Variants in GALNT14 observed in about 807,000 individuals in gnomAD.
GALNT14 encodes UDP-GalNAc:polypeptide N-acetylgalactosaminyltransferase 14.
In GALNT14, 60 loss-of-function variants were observed where a neutral mutation model predicts 77.5. That is an observed-to-expected ratio of 0.77 (90% CI 0.63 to 0.96). The LOEUF (loss-of-function observed/expected upper bound fraction) is 0.96, where lower values mean the gene tolerates loss of function less well. GALNT14 is among the 40% of genes least tolerant of loss of function. GALNT14 has a pLI of 0.00. For missense variants in GALNT14, 710 were observed against 731.0 expected (o/e 0.97, Z 0.33); for synonymous variants, 280 against 281.7 (o/e 0.99, Z 0.06).
At chr2:30,960,005 G>A (rs1378927075) in intron 3 of GALNT14, among the ~76,000 whole-genome samples, 1 of 152,192 alleles carries the variant, frequency 6.6e-6, no homozygotes, top group African/African-American at 2.4e-5. Context: ...CTTCTATGCA[G>A]GATGCAGACT....
intron 1 of GALNT14, among the ~76,000 whole-genome samples, chr2:31,104,222 T>C (rs1677434922): frequency 6.6e-6 from 1 of 152,204 alleles, no homozygotes; most frequent in Non-Finnish European, 1.5e-5. Flanking sequence ...TTATTAATTT[T>C]GAAGTCATTT....
At chr2:30,908,790 G>A (rs372898727), downstream of GALNT14, among the ~76,000 whole-genome samples, 35 of 142,510 alleles carry the variant, frequency 2.5e-4, no homozygotes, top group East Asian at 1.4e-3. Flanking sequence ...GAGGCATCAC[G>A]CTACCTGACT....
At chr2:31,075,907 A>C (rs984815147) in intron 1 of GALNT14, among the ~76,000 whole-genome samples, 2 of 152,244 alleles carry the variant, frequency 1.3e-5, no homozygotes, top group African/African-American at 4.8e-5. Context: ...CAACTCCGAC[A>C]GTCCCAAGTC....
chr2:31,089,075 G>A (rs909051418), intron 1 of GALNT14, among the ~76,000 whole-genome samples: 1 of 152,184 alleles, frequency 6.6e-6, no homozygotes, highest in Non-Finnish European at 1.5e-5. Flanking sequence ...GTGTCTTGTT[G>A]CCTGCTGTTT....
intron 1 of GALNT14, among the ~76,000 whole-genome samples, chr2:31,101,345 C>G (rs1220820461): frequency 6.6e-6 from 1 of 151,982 alleles, no homozygotes; most frequent in Non-Finnish European, 1.5e-5. Context: ...TGGGATTAGT[C>G]TTTGGATTTC....
At chr2:30,976,087 C>G (rs1346872391) in intron 2 of GALNT14, among the ~76,000 whole-genome samples, 2 of 152,154 alleles carry the variant, frequency 1.3e-5, no homozygotes, top group African/African-American at 2.4e-5. Context: ...TTATGACAAG[C>G]CTTTGACTAC....
At position 30,932,135 on chromosome 2, in the gene GALNT14, C is replaced by G; in HGVS notation, c.991G>C (p.Val331Leu). 6.4e-7 allele frequency: 1 copy of G among 1,573,150 alleles called. No individual in the cohort carries two copies. The highest frequency in any genetic ancestry group is 8.6e-7 in the Non-Finnish European group (1 of 1,159,226). ...TGCTTCTTCCGGAAGACGTGCCCCA[C>G]TCGGCTGCAGGGGACGATCTCTAGG... Reference protein sequence around the residue: ...GSLEIVPCSRVGHVFRKKHPY... With the variant: ...GSLEIVPCSRLGHVFRKKHPY... The change falls in exon 10 of 15, where the codon GTG (valine) becomes CTG (leucine). Residue 331 changes from valine to leucine, a missense_variant. Transcript: ENST00000349752.
At chr2:30,972,264 C>T (rs1668403522) in intron 2 of GALNT14, among the ~76,000 whole-genome samples, 1 of 152,200 alleles carries the variant, frequency 6.6e-6, no homozygotes, top group Admixed American at 6.5e-5. Context: ...TGGGCTCTGG[C>T]ATCCCAGACG....
At chr2:30,941,141 G>T (rs538093612) in intron 9 of GALNT14, among the ~76,000 whole-genome samples, 2 of 152,228 alleles carry the variant, frequency 1.3e-5, no homozygotes, top group Non-Finnish European at 2.9e-5. Flanking sequence ...CTCTTGGCCT[G>T]AGCCCCTGCT....
Position 31,129,498 on chromosome 2 carries a change from C to T in GALNT14, c.129+8460G>A, listed in dbSNP as rs946377202. Reference sequence around the variant, plus strand: ...AATTCAGCACCCAGCTGGCAGCCATCAATTGGCCATCTATTAATAGCCAAT... The same window carrying T: ...AATTCAGCACCCAGCTGGCAGCCATTAATTGGCCATCTATTAATAGCCAAT... On this transcript the variant is annotated intron_variant, in intron 1 of 14. Transcript: ENST00000349752. 2.6e-5 allele frequency: 26 copies of T among 985,322 alleles called. No homozygotes were observed. In the African/African-American group the frequency reaches 4.2e-4, roughly 16 times the overall value. The allele number at this position is 985,322 out of a possible 1,614,324, so 61.0% of individuals were successfully genotyped here. A position where few individuals can be genotyped will look rare whatever the true frequency, so the allele number is the denominator to read the frequency against.
chr2:30,909,631 C>G (rs1323614291), downstream of GALNT14, among the ~76,000 whole-genome samples: 3 of 151,940 alleles, frequency 2.0e-5, no homozygotes, highest in East Asian at 5.8e-4. Context: ...ACTAGTTCAA[C>G]TATTGTGGAA....
chr2:30,976,830 T>C (rs761832846), intron 2 of GALNT14, among the ~76,000 whole-genome samples: 5 of 152,156 alleles, frequency 3.3e-5, no homozygotes, highest in East Asian at 1.9e-4. Flanking sequence ...GATGACACAA[T>C]TGAATCCTCA....
At chr2:30,955,776 G>C (rs758857376) in intron 5 of GALNT14, 37 bp from the exon 6 acceptor site, 1 of 1,612,930 alleles carries the variant, frequency 6.2e-7, no homozygotes, top group South Asian at 1.1e-5. Flanking sequence ...GGGTGCCACT[G>C]TCACTCCATT....
rs765675176 is a variant in GALNT14 at position 31,113,465 on chromosome 2, G to A, written c.129+24493C>T. ...CCCTGGGAGGAAGGCAACTCCAGTCGTCAAGAATGTTCTGAGGGGATCTCC... is the reference window on the plus strand; with the variant it reads ...CCCTGGGAGGAAGGCAACTCCAGTCATCAAGAATGTTCTGAGGGGATCTCC... On this transcript the variant is annotated intron_variant, in intron 1 of 14. Transcript: ENST00000349752. 2.6e-4 allele frequency among the ~76,000 whole-genome samples: 40 copies of A among 152,206 alleles called. 1 individual carries two copies. The highest frequency in any genetic ancestry group is 3.4e-3 in the Middle Eastern group (1 of 294).
intron 13 of GALNT14, among the ~76,000 whole-genome samples, chr2:30,913,749 G>A (rs1223201378): frequency 6.6e-6 from 1 of 152,184 alleles, no homozygotes; most frequent in Non-Finnish European, 1.5e-5. Flanking sequence ...GGTGTTGGGA[G>A]AAGACCTAGA....
At chr2:30,929,228 C>T (rs1347365433) in intron 11 of GALNT14, among the ~76,000 whole-genome samples, 167 bp downstream of exon 11, 1 of 152,228 alleles carries the variant, frequency 6.6e-6, no homozygotes, top group African/African-American at 2.4e-5. Context: ...CCCTGCACAT[C>T]CAGAGCTGGG....
intron 7 of GALNT14, 60 bp from the exon 8 acceptor site, chr2:30,945,002 C>G: frequency 2.1e-6 from 3 of 1,444,682 alleles, no homozygotes; most frequent in South Asian, 2.8e-5. Flanking sequence ...TCATTCTGCA[C>G]CCTCTCCAGA....
chr2:31,070,258 C>T (rs1675270381), intron 1 of GALNT14, among the ~76,000 whole-genome samples: 1 of 152,168 alleles, frequency 6.6e-6, no homozygotes, highest in South Asian at 2.1e-4. Flanking sequence ...TGGCACTCAC[C>T]CAGCTTCCAG....
chr2:30,982,973 C>T (rs1244763895), intron 2 of GALNT14, among the ~76,000 whole-genome samples: 1 of 152,192 alleles, frequency 6.6e-6, no homozygotes, highest in Non-Finnish European at 1.5e-5. Context: ...TCCACCCCTC[C>T]TGTGTTCCCC....
Sources: allele counts gnomAD v4.1 joint callset (sites outside exome capture counted in the v4.1 genomes callset), GRCh38; gene constraint gnomAD v4.1.1; transcripts MANE v1.5; gene names NCBI Gene and HGNC (gene_info 2026-07-23, HGNC 2026-07-21).